HK1: variants seen among roughly 807,000 people sequenced by gnomAD.
The protein encoded by HK1 is hexokinase-1.
A neutral mutation model predicts 91.6 loss-of-function variants in HK1; 28 were observed. The observed-to-expected ratio is 0.31, with a 90% confidence interval of 0.23 to 0.42. The LOEUF (loss-of-function observed/expected upper bound fraction) is 0.42. Among genes scored for constraint, HK1 ranks in the 10% least tolerant of loss-of-function variants. The pLI is 1.00. For synonymous variants in HK1, 430 were observed against 468.1 expected (o/e 0.92, Z 1.05); for missense variants, 770 against 1,219.8 (o/e 0.63, Z 5.49).
At chr10:69,346,509 ATT>A (rs796205574) in intron 2 of HK1, among the ~76,000 whole-genome samples, 3 of 145,434 alleles carry the variant, frequency 2.1e-5, no homozygotes, top group African/African-American at 7.5e-5. Flanking sequence ...TTTTTTGGTC[ATT>A]TTTTTTTTAA....
intron 1 of HK1, among the ~76,000 whole-genome samples, chr10:69,332,385 T>TCTTTCTTTC (rs59129383): frequency 7.5e-6 from 1 of 133,356 alleles, no homozygotes; most frequent in Admixed American, 7.3e-5. Flanking sequence ...TTCTTTCTTT[T>TCTTTCTTTC]TTTCTTTTTT....
intron 5 of HK1, among the ~76,000 whole-genome samples, chr10:69,303,347 C>T (rs1273527103): frequency 6.6e-6 from 1 of 152,088 alleles, no homozygotes; most frequent in Non-Finnish European, 1.5e-5. Flanking sequence ...ATTTTTGTAA[C>T]CACCCAGAGG....
intron 1 of HK1, among the ~76,000 whole-genome samples, chr10:69,276,118 A>AAAAAAAAAAAATATATATATAT: frequency 2.6e-5 from 1 of 38,262 alleles, no homozygotes; most frequent in Non-Finnish European, 5.1e-5. Context: ...AAAAAAAAAA[A>AAAAAAAAAAAATATATATATAT]ATACATATAT....
rs981548995 is a variant in HK1 at position 69,299,669 on chromosome 10, T to C, written c.-66-1100T>C. Among the ~76,000 whole-genome samples, 2 of 148,980 alleles carry C rather than the reference T, an allele frequency of 1.3e-5. 1 individual carries two copies. Among genetic ancestry groups the C allele is most frequent in the African/African-American group, 5.0e-5 (2 of 39,980 alleles). On this transcript the variant is annotated intron_variant, in intron 4 of 21. Transcript: ENST00000360289. ...GTGAGCCACCGCGCCCAGCTTTGTT[T>C]GTGTTTTTTTGAGATGGAGTCTCAC...
intron 1 of HK1, among the ~76,000 whole-genome samples, chr10:69,342,612 A>G (rs980505174): frequency 3.3e-5 from 5 of 152,186 alleles, no homozygotes; most frequent in Non-Finnish European, 5.9e-5. Context: ...AGGCATTGCA[A>G]GGCTTTGGGC....
At chr10:69,319,620 C>T (rs1331782470) in intron 1 of HK1, among the ~76,000 whole-genome samples, 1 of 152,254 alleles carries the variant, frequency 6.6e-6, no homozygotes, top group East Asian at 1.9e-4. Flanking sequence ...TGGAGCGGCA[C>T]GTCTGAATGG....
intron 1 of HK1, among the ~76,000 whole-genome samples, chr10:69,329,806 C>T (rs1010546480): frequency 3.3e-5 from 5 of 152,058 alleles, no homozygotes; most frequent in African/African-American, 1.2e-4. Context: ...CATCTCCTGC[C>T]CCTCCCCAGC....
chr10:69,364,576 C>G (rs1451817311), intron 3 of HK1, among the ~76,000 whole-genome samples: 1 of 152,082 alleles, frequency 6.6e-6, no homozygotes, highest in Non-Finnish European at 1.5e-5. Context: ...CTGTACTTGC[C>G]CACAGGGTAG....
chr10:69,350,633 G>T (rs1399074834), intron 2 of HK1, among the ~76,000 whole-genome samples: 1 of 152,030 alleles, frequency 6.6e-6, no homozygotes, highest in Non-Finnish European at 1.5e-5. Context: ...TTGCACTCCA[G>T]CCCGGGCAAC....
In HK1 at chr10:69,384,322, G is replaced by A; in HGVS notation, c.1571-11G>A. 1 of 1,614,204 alleles carries A rather than the reference G, an allele frequency of 6.2e-7. No homozygotes were observed. Among genetic ancestry groups the A allele is most frequent in the Non-Finnish European group, 8.5e-7 (1 of 1,180,044 alleles). On this transcript the variant is annotated splice_polypyrimidine_tract_variant and intron_variant, in intron 10 of 17. Coordinates refer to ENST00000359426, the MANE Select transcript of HK1 (RefSeq NM_000188.3). Reference sequence around the variant, plus strand: ...TGTTTTTGACATTCTTTACGCTTTTGACTGCAACAGAGAATGGTGACTTCT... The same window carrying A: ...TGTTTTTGACATTCTTTACGCTTTTAACTGCAACAGAGAATGGTGACTTCT...
intron 1 of HK1, chr10:69,338,227 G>T (rs904359788): frequency 9.0e-7 from 1 of 1,109,080 alleles, no homozygotes; most frequent in Non-Finnish European, 1.1e-6. Context: ...CTGTGCAGCC[G>T]GTCTGGCTAC....
chr10:69,340,854 G>C lies in HK1; in HGVS notation c.64-2973G>C, dbSNP rs149347796. ...TTATGTGGCTCATCAGGCCCTGTGT[G>C]GTTGAGCTCTGGACAGTCTTTCCAG... On this transcript the variant is annotated intron_variant, in intron 1 of 17. Coordinates refer to ENST00000359426, the MANE Select transcript of HK1 (RefSeq NM_000188.3). Among the ~76,000 whole-genome samples the C allele has an allele frequency of 9.5e-4, 145 of 152,266 alleles. 2 individuals are homozygous for C. The East Asian group carries it at 0.025, about 26-fold the overall frequency.
rs139012135 is a variant in HK1, at chr10:69,310,354, G to C, written c.27+9493G>C. Among the ~76,000 whole-genome samples, 294 of 148,704 alleles carry C rather than the reference G, an allele frequency of 2.0e-3. 2 individuals are homozygous for C. The highest frequency in any genetic ancestry group is 3.7e-3 in the Non-Finnish European group (250 of 67,590). ...GAGAATCGCCTGAACCCATCAGGCA[G>C]AGGTTGCAGTGAGCCGAGATCGTGC... On this transcript the variant is annotated intron_variant, in intron 5 of 21. Coordinates refer to the HK1 transcript ENST00000360289.
intron 9 of HK1, among the ~76,000 whole-genome samples, chr10:69,382,251 C>T (rs796403741): frequency 7.2e-5 from 11 of 152,080 alleles, no homozygotes; most frequent in African/African-American, 1.7e-4. Context: ...GTTAGCCGGG[C>T]GTGGCCCCAG....
At chr10:69,328,000 C>T (rs1018596632) in intron 1 of HK1, among the ~76,000 whole-genome samples, 1 of 152,160 alleles carries the variant, frequency 6.6e-6, no homozygotes, top group Non-Finnish European at 1.5e-5. Context: ...GGGCTGACTC[C>T]GTTAAGCTTT....
At chr10:69,343,343 A>T (rs1241381825) in intron 1 of HK1, among the ~76,000 whole-genome samples, 1 of 152,154 alleles carries the variant, frequency 6.6e-6, no homozygotes, top group African/African-American at 2.4e-5. Context: ...CCTATCTATC[A>T]TCTCAGTTTT....
chr10:69,291,143 A>G (rs1428466732), intron 3 of HK1, among the ~76,000 whole-genome samples: 1 of 152,208 alleles, frequency 6.6e-6, no homozygotes, highest in Non-Finnish European at 1.5e-5. Context: ...GCAGAATGCC[A>G]CCAGGAATTT....
intron 1 of HK1, among the ~76,000 whole-genome samples, chr10:69,336,912 T>C (rs1848021957): frequency 6.6e-6 from 1 of 152,152 alleles, no homozygotes; most frequent in Non-Finnish European, 1.5e-5. Context: ...CCCATAGTGC[T>C]GGGATTACAA....
At chr10:69,379,601 T>C (rs1839285128) in intron 8 of HK1, among the ~76,000 whole-genome samples, 1 of 152,204 alleles carries the variant, frequency 6.6e-6, no homozygotes, top group Non-Finnish European at 1.5e-5. Flanking sequence ...CCACATAGTC[T>C]TGCCTCTCCA....
Sources: allele counts gnomAD v4.1 joint callset (sites outside exome capture counted in the v4.1 genomes callset), GRCh38; gene constraint gnomAD v4.1.1; transcripts MANE v1.5; gene names NCBI Gene and HGNC (gene_info 2026-07-23, HGNC 2026-07-21).